The following ZNF235 variants were observed in gnomAD, a reference collection of about 807,000 sequenced individuals.
ZNF235 encodes the protein zfp-93.
A neutral mutation model predicts 29.4 loss-of-function variants in ZNF235; 25 were observed. The observed-to-expected ratio is 0.85, with a 90% confidence interval of 0.62 to 1.19. ZNF235 has a LOEUF of 1.19. Among genes scored for constraint, ZNF235 ranks in the 50% most tolerant of loss-of-function variants. ZNF235 has a pLI of 0.00. For synonymous variants in ZNF235, 300 were observed against 295.3 expected (o/e 1.02, Z -0.16); for missense variants, 788 against 885.0 (o/e 0.89, Z 1.39).
At position 44,287,540 on chromosome 19, in the gene ZNF235, C is replaced by G; in HGVS notation, c.1895G>C (p.Cys632Ser). 1 of 1,614,182 alleles carries G rather than the reference C, an allele frequency of 6.2e-7. No individual in the cohort carries two copies. The highest frequency in any genetic ancestry group is 8.5e-7 in the Non-Finnish European group (1 of 1,180,036). Residue 632 changes from cysteine (C) to serine (S), a missense_variant, in exon 5 of 5, where the codon TGT becomes TCT. Cys to Ser is a moderately radical substitution (Grantham distance 112). Coordinates refer to ENST00000291182, the MANE Select transcript of ZNF235 (RefSeq NM_004234.4). ...TGACCTCTGGCTGAAGGCCTTACCA[C>G]AAGTGTCACATTTATATGGTTTCTC... Reference protein sequence around the residue: ...TGEKPYKCDTCGKAFSQRSNL... With the variant: ...TGEKPYKCDTSGKAFSQRSNL...
intron 2 of ZNF235, among the ~76,000 whole-genome samples, chr19:44,300,215 C>T (rs886827280): frequency 1.3e-5 from 2 of 152,114 alleles, no homozygotes; most frequent in African/African-American, 2.4e-5. Context: ...TTTTGTGACG[C>T]TGGTCACAAA....
intron 2 of ZNF235, 131 bp downstream of exon 2, chr19:44,303,259 C>T (rs1975781733): frequency 8.3e-6 from 6 of 725,584 alleles, no homozygotes; most frequent in Non-Finnish European, 1.2e-5. Flanking sequence ...AAATAAAAGG[C>T]AACAACCTGG....
At chr19:44,300,079 ACT>A (rs1975713853) in intron 2 of ZNF235, among the ~76,000 whole-genome samples, 1 of 152,070 alleles carries the variant, frequency 6.6e-6, no homozygotes, top group Admixed American at 6.6e-5. Flanking sequence ...TACGCAGTTC[ACT>A]CTCTGGGTTC....
intron 4 of ZNF235, among the ~76,000 whole-genome samples, chr19:44,298,546 T>G (rs1195789866): frequency 1.3e-5 from 2 of 152,020 alleles, no homozygotes; most frequent in Non-Finnish European, 2.9e-5. Flanking sequence ...CAGGCACACC[T>G]ACATCTAGCT....
chr19:44,303,814 TA>T (rs1409388759), intron 1 of ZNF235, among the ~76,000 whole-genome samples: 4 of 152,340 alleles, frequency 2.6e-5, no homozygotes, highest in Admixed American at 2.6e-4. Context: ...GTATAAACCT[TA>T]AGCGAATTAT....
At chr19:44,298,487 C>T (rs922314304) in intron 4 of ZNF235, among the ~76,000 whole-genome samples, 1 of 152,026 alleles carries the variant, frequency 6.6e-6, no homozygotes, top group Non-Finnish European at 1.5e-5. Flanking sequence ...CCCACGCCTC[C>T]CAGGTTCAAG....
At chr19:44,291,645 C>T (rs941085720) in intron 4 of ZNF235, among the ~76,000 whole-genome samples, 7 of 151,976 alleles carry the variant, frequency 4.6e-5, no homozygotes, top group Non-Finnish European at 1.0e-4. Flanking sequence ...GCAATAAATG[C>T]AACAATGCAG....
chr19:44,297,884 T>C (rs762533643), intron 4 of ZNF235, among the ~76,000 whole-genome samples: 2 of 152,218 alleles, frequency 1.3e-5, no homozygotes, highest in Middle Eastern at 6.8e-3. Context: ...TTGGGGAGGC[T>C]GAGGTGGGCA....
intron 4 of ZNF235, among the ~76,000 whole-genome samples, chr19:44,293,501 C>T (rs1975613000): frequency 6.6e-6 from 1 of 151,990 alleles, no homozygotes; most frequent in Non-Finnish European, 1.5e-5. Context: ...ACCCCACAGA[C>T]ACCACTAGAT....
intron 4 of ZNF235, among the ~76,000 whole-genome samples, chr19:44,292,176 T>G (rs10418545): frequency 0.032 from 4,860 of 151,926 alleles, 238 homozygotes; most frequent in African/African-American, 0.11. Context: ...TATTCAACAT[T>G]ACTGAAGTTC....
At position 44,286,455 on chromosome 19, in the gene ZNF235, T is replaced by C. The variant is rs1975486826; in HGVS notation, c.*763A>G. ...GTCCAAAAATTCTAATCATGTAAATTGCAGGGTCACATTAGATAAAAACAG... is the reference window on the plus strand; with the variant it reads ...GTCCAAAAATTCTAATCATGTAAATCGCAGGGTCACATTAGATAAAAACAG... On this transcript the variant is annotated 3_prime_UTR_variant, in exon 5 of 5. Coordinates refer to ENST00000291182, the MANE Select transcript of ZNF235 (RefSeq NM_004234.4). The C allele has an allele frequency of 6.6e-6, 1 of 152,200 alleles. No individual in the cohort carries two copies. Among genetic ancestry groups the C allele is most frequent in the South Asian group, 2.1e-4 (1 of 4,830 alleles). 9.4% of individuals were successfully genotyped at this position (152,200 alleles called of 1,614,324 possible).
At chr19:44,289,300 AAAC>A (rs1975553039) in intron 4 of ZNF235, 104 bp from the exon 5 acceptor site, 2 of 1,024,528 alleles carry the variant, frequency 2.0e-6, no homozygotes, top group African/African-American at 1.6e-5. Flanking sequence ...AACGTCAAAA[AAAC>A]AACTAGACTG....
chr19:44,298,872 G>T lies in ZNF235; in HGVS notation c.174C>A (p.Ser58=). The T allele has an allele frequency of 6.2e-7, 1 of 1,613,734 alleles. No individual in the cohort carries two copies. Among genetic ancestry groups the T allele is most frequent in the East Asian group, 2.2e-5 (1 of 44,872 alleles). Residue 58 remains serine, a synonymous_variant, in exon 4 of 5, where the codon TCC becomes TCA. Coordinates refer to ENST00000291182, the MANE Select transcript of ZNF235 (RefSeq NM_004234.4). ...AAAGCTTTTCTTCCCTCTCCAACTG[G>T]GATATCATATCTGGTTTGAAGGACT... ...GHQSFKPDMI[S]QLEREEKLWM... is the part of the protein sequence containing the mutation.
rs1297962111 is a variant in ZNF235, at chr19:44,298,900, T to C, written c.146A>G (p.His49Arg). ...TATCATATCTGGTTTGAAGGACTGA[T>C]GTCCTATAAAAAGATAGTATTTAAG... The part of the protein sequence containing the change: ...ENFRNLVSVG[H>R]QSFKPDMISQ... Residue 49 changes from histidine (H) to arginine (R), a missense_variant, in exon 4 of 5, where the codon CAT becomes CGT. Coordinates refer to ENST00000291182, the MANE Select transcript of ZNF235 (RefSeq NM_004234.4). 1 of 1,609,336 alleles carries C rather than the reference T, an allele frequency of 6.2e-7. No homozygotes were observed. Among genetic ancestry groups the C allele is most frequent in the Non-Finnish European group, 8.5e-7 (1 of 1,176,192 alleles).
Position 44,287,073 on chromosome 19 carries a change from AAC to A in ZNF235, c.*143_*144del, listed in dbSNP as rs1975495418. 2.4e-6 allele frequency: 2 copies of A among 825,398 alleles called. No homozygotes were observed. The highest frequency in any genetic ancestry group is 5.3e-5 in the East Asian group (2 of 37,520). The allele number at this position is 825,398 out of a possible 1,614,324, so 51.1% of individuals were successfully genotyped here. Reference sequence around the variant, plus strand: ...GAATTCATGTCCTAACCAAGTCTAAAACACAGCATTTGAGAGACTTCTTTCCT... The same window carrying A: ...GAATTCATGTCCTAACCAAGTCTAAAACAGCATTTGAGAGACTTCTTTCCT... On this transcript the variant is annotated 3_prime_UTR_variant, in exon 5 of 5. Coordinates refer to ENST00000291182, the MANE Select transcript of ZNF235 (RefSeq NM_004234.4).
Position 44,304,968 on chromosome 19 carries a change from C to T in ZNF235, c.-49+3G>A. The T allele has an allele frequency of 1.0e-6, 1 of 983,628 alleles. No individual in the cohort carries two copies. Among genetic ancestry groups the T allele is most frequent in the African/African-American group, 1.7e-5 (1 of 57,346 alleles). The allele number at this position is 983,628 out of a possible 1,614,324, so 60.9% of individuals were successfully genotyped here. A position where few individuals can be genotyped will look rare whatever the true frequency, so the allele number is the denominator to read the frequency against. On this transcript the variant is annotated splice_donor_region_variant and intron_variant, in intron 1 of 4. Transcript: ENST00000291182. ...AAGTCTTGGAGACCCGGAGCTGACT[C>T]ACCTCCCTGGGAGATATCTCAGATC...
chr19:44,292,915 G>C (rs1599888560), intron 4 of ZNF235, among the ~76,000 whole-genome samples: 1 of 152,004 alleles, frequency 6.6e-6, no homozygotes, highest in Non-Finnish European at 1.5e-5. Context: ...AGCCAGAAGA[G>C]ATTGGATTCT....
intron 4 of ZNF235, among the ~76,000 whole-genome samples, chr19:44,293,100 T>TA (rs1406382520): frequency 3.3e-5 from 5 of 152,102 alleles, no homozygotes; most frequent in Admixed American, 6.5e-5. Context: ...AAAAGGTTGA[T>TA]ACTTGCCATG....
At position 44,286,764 on chromosome 19, in the gene ZNF235, T is replaced by C. The variant is rs1045901095; in HGVS notation, c.*454A>G. 6 of 153,478 alleles carry C rather than the reference T, an allele frequency of 3.9e-5. No individual in the cohort carries two copies. Among genetic ancestry groups the C allele is most frequent in the African/African-American group, 1.4e-4 (6 of 41,504 alleles). The allele number at this position is 153,478 out of a possible 1,614,324, so 9.5% of individuals were successfully genotyped here. The stretch of plus-strand genomic sequence containing the variant: ...AATTATAGGTATTTTCTTCACTTTC[T>C]TCAGTAATTGCTGGGCCCTATTATG... On this transcript the variant is annotated 3_prime_UTR_variant, in exon 5 of 5. Transcript: ENST00000291182.
Sources: allele counts gnomAD v4.1 joint callset (sites outside exome capture counted in the v4.1 genomes callset), GRCh38; gene constraint gnomAD v4.1.1; transcripts MANE v1.5; gene names NCBI Gene and HGNC (gene_info 2026-07-23, HGNC 2026-07-21).